KIAA1217: variants seen among roughly 807,000 people sequenced by gnomAD.
KIAA1217 encodes KIAA1217, also known as sickle tail protein homolog.
In KIAA1217, 88 loss-of-function variants were observed where a neutral mutation model predicts 163.9. That is an observed-to-expected ratio of 0.54 (90% CI 0.45 to 0.64). The LOEUF (loss-of-function observed/expected upper bound fraction) is 0.64. Among genes scored for constraint, KIAA1217 ranks in the 30% least tolerant of loss-of-function variants. The pLI, the probability that KIAA1217 is intolerant of heterozygous loss-of-function variation, is 0.00. For missense variants in KIAA1217, 2,372 were observed against 2,475.0 expected, an observed-to-expected ratio of 0.96 and a Z score of 0.88; for synonymous variants, 903 against 923.1, an observed-to-expected ratio of 0.98 and a Z score of 0.39.
At chr10:24,175,813 G>A (rs183409633) in intron 2 of KIAA1217, among the ~76,000 whole-genome samples, 6 of 152,022 alleles carry the variant, frequency 3.9e-5, no homozygotes, top group Non-Finnish European at 5.9e-5. Context: ...GGAGTTGTTC[G>A]TTCCTCCTGT....
chr10:24,155,164 T>C (rs1449942356), intron 2 of KIAA1217, among the ~76,000 whole-genome samples: 1 of 152,188 alleles, frequency 6.6e-6, no homozygotes, highest in Admixed American at 6.5e-5. Context: ...CACAATAATT[T>C]TTTTAAACAC....
At chr10:24,404,078 T>C (rs747359802) in intron 3 of KIAA1217, among the ~76,000 whole-genome samples, 44 of 152,178 alleles carry the variant, frequency 2.9e-4, no homozygotes, top group Non-Finnish European at 5.7e-4. Flanking sequence ...CCACCTCAAC[T>C]TCCTGACTAG....
intron 1 of KIAA1217, among the ~76,000 whole-genome samples, chr10:23,861,336 C>T (rs991454252): frequency 6.6e-6 from 1 of 152,192 alleles, no homozygotes; most frequent in Non-Finnish European, 1.5e-5. Context: ...TGATGAAACA[C>T]ACAGACACAG....
At chr10:23,806,563 A>T (rs1226526956) in intron 1 of KIAA1217, among the ~76,000 whole-genome samples, 3 of 152,162 alleles carry the variant, frequency 2.0e-5, no homozygotes, top group Admixed American at 2.0e-4. Context: ...TGTGAAAAAA[A>T]ATTCTCAAAC....
chr10:24,027,728 T>C (rs1187511485), intron 2 of KIAA1217, among the ~76,000 whole-genome samples: 1 of 152,132 alleles, frequency 6.6e-6, no homozygotes. Flanking sequence ...AAAATTTTAA[T>C]AGGTTTTATT....
At chr10:24,156,218 A>G (rs1480606715) in intron 2 of KIAA1217, among the ~76,000 whole-genome samples, 7 of 152,218 alleles carry the variant, frequency 4.6e-5, no homozygotes, top group Non-Finnish European at 8.8e-5. Flanking sequence ...AAATGGTATC[A>G]TACATACTCC....
intron 1 of KIAA1217, among the ~76,000 whole-genome samples, chr10:23,969,366 G>C (rs993164370): frequency 2.6e-5 from 4 of 152,104 alleles, no homozygotes; most frequent in Non-Finnish European, 4.4e-5. Context: ...TTGAGGAAAG[G>C]CCAAACTGTT....
chr10:23,962,281 T>G (rs1284729121), intron 1 of KIAA1217, among the ~76,000 whole-genome samples: 1 of 152,180 alleles, frequency 6.6e-6, no homozygotes, highest in African/African-American at 2.4e-5. Flanking sequence ...TAGCCTCAGT[T>G]TCCACATCTA....
intron 1 of KIAA1217, among the ~76,000 whole-genome samples, chr10:23,729,650 G>A (rs962484417): frequency 2.6e-5 from 4 of 152,046 alleles, no homozygotes; most frequent in South Asian, 2.1e-4. Flanking sequence ...CTTTCTTATT[G>A]TGGAGTTTTA....
chr10:24,047,692 T>G (rs577562551), intron 2 of KIAA1217, among the ~76,000 whole-genome samples: 1 of 152,226 alleles, frequency 6.6e-6, no homozygotes, highest in African/African-American at 2.4e-5. Context: ...CATCTCCTTT[T>G]CTATAGCACA....
chr10:23,933,930 A>C (rs964706761), intron 1 of KIAA1217, among the ~76,000 whole-genome samples: 4 of 152,238 alleles, frequency 2.6e-5, no homozygotes. Flanking sequence ...ACACTTTTAC[A>C]CTGTTGGTAG....
intron 2 of KIAA1217, chr10:24,255,627 C>A: frequency 2.3e-6 from 1 of 435,348 alleles, no homozygotes; most frequent in East Asian, 7.4e-5. Flanking sequence ...TGGGGTTTCC[C>A]TGCCCCCCCT....
chr10:24,404,088 G>A (rs982597342), intron 3 of KIAA1217, among the ~76,000 whole-genome samples: 14 of 152,094 alleles, frequency 9.2e-5, no homozygotes, highest in Non-Finnish European at 2.9e-5. Context: ...TTCCTGACTA[G>A]CTGGGACTAA....
chr10:24,145,179 CTTG>C (rs1176221992), intron 2 of KIAA1217, among the ~76,000 whole-genome samples: 1 of 152,244 alleles, frequency 6.6e-6, no homozygotes, highest in East Asian at 1.9e-4. Context: ...GTGGTTCATA[CTTG>C]TTATTCCTCT....
chr10:24,035,118 T>A (rs141716061), intron 2 of KIAA1217, among the ~76,000 whole-genome samples: 4,543 of 152,280 alleles, frequency 0.03, 129 homozygotes, highest in African/African-American at 0.069. Flanking sequence ...TGAGTTCAAT[T>A]CCCGCTCCTG....
chr10:24,336,159 G>T (rs757754313), intron 2 of KIAA1217, among the ~76,000 whole-genome samples: 2 of 152,092 alleles, frequency 1.3e-5, no homozygotes, highest in Admixed American at 1.3e-4. Context: ...GGAGAATCTC[G>T]TGAACATGGG....
intron 2 of KIAA1217, among the ~76,000 whole-genome samples, chr10:24,174,774 T>G (rs2065791180): frequency 6.6e-6 from 1 of 152,180 alleles, no homozygotes; most frequent in South Asian, 2.1e-4. Flanking sequence ...GTTACATGAA[T>G]AAGTTCTTTA....
chr10:24,547,532 G>T lies in KIAA1217; in HGVS notation c.*1208G>T, dbSNP rs1356599623. 1 of 152,248 alleles carries T rather than the reference G, an allele frequency of 6.6e-6. No individual in the cohort carries two copies. Among genetic ancestry groups the T allele is most frequent in the Non-Finnish European group, 1.5e-5 (1 of 68,024 alleles). 9.4% of individuals were successfully genotyped at this position (152,248 alleles called of 1,614,324 possible). A position where few individuals can be genotyped will look rare whatever the true frequency, so the allele number is the denominator to read the frequency against. ...TATAACTACTTCCTAGTCAAAGAAC[G>T]AAATGTAACTGTTACCGAGTTAAAT... On this transcript the variant is annotated 3_prime_UTR_variant, in exon 21 of 21. Coordinates refer to ENST00000376454, the MANE Select transcript of KIAA1217 (RefSeq NM_019590.5).
rs528571680 is a variant in KIAA1217 at position 24,301,697 on chromosome 10, T to A, written c.355-79172T>A. On this transcript the variant is annotated intron_variant, in intron 2 of 20. Coordinates refer to ENST00000376454, the MANE Select transcript of KIAA1217 (RefSeq NM_019590.5). ...AAATGTTTATTTACTTATTTTTTTTTAAAGGCAACAGAAGTTCCACAATTA... is the reference window on the plus strand; with the variant it reads ...AAATGTTTATTTACTTATTTTTTTTAAAAGGCAACAGAAGTTCCACAATTA... Among the ~76,000 whole-genome samples the A allele has an allele frequency of 2.5e-4, 38 of 152,292 alleles. No homozygotes were observed. The South Asian group carries it at 7.9e-3, about 32-fold the overall frequency.
Sources: allele counts gnomAD v4.1 joint callset (sites outside exome capture counted in the v4.1 genomes callset), GRCh38; gene constraint gnomAD v4.1.1; transcripts MANE v1.5; gene names NCBI Gene and HGNC (gene_info 2026-07-23, HGNC 2026-07-21).